Variants in SLC45A2 observed in about 807,000 individuals in gnomAD.
The protein encoded by SLC45A2 is solute carrier family 45 member 2, also known as membrane-associated transporter protein.
In SLC45A2, 36 loss-of-function variants were observed where a neutral mutation model predicts 45.5. That is an observed-to-expected ratio of 0.79 (90% CI 0.61 to 1.04). The LOEUF is 1.04. Among genes scored for constraint, SLC45A2 ranks in the 50% least tolerant of loss-of-function variants. SLC45A2 has a pLI of 0.00. For missense variants in SLC45A2, 719 were observed against 671.0 expected, an observed-to-expected ratio of 1.07 and a Z score of -0.79; for synonymous variants, 306 against 269.3, an observed-to-expected ratio of 1.14 and a Z score of -1.33.
At chr5:33,970,645 C>T (rs57816426) in intron 2 of SLC45A2, among the ~76,000 whole-genome samples, 2,692 of 152,260 alleles carry the variant, frequency 0.018, 81 homozygotes, top group African/African-American at 0.062. Flanking sequence ...GGGTTAGCCA[C>T]TTTACCTCTC....
At chr5:33,980,774 A>C (rs997584789) in intron 2 of SLC45A2, among the ~76,000 whole-genome samples, 1 of 152,236 alleles carries the variant, frequency 6.6e-6, no homozygotes, top group Non-Finnish European at 1.5e-5. Flanking sequence ...ATTGATAAGC[A>C]CTAGAAAGAA....
intron 2 of SLC45A2, among the ~76,000 whole-genome samples, chr5:33,981,540 G>C (rs1340900425): frequency 6.6e-6 from 1 of 152,146 alleles, no homozygotes; most frequent in East Asian, 1.9e-4. Flanking sequence ...TCAATGCCTA[G>C]TTCTAGCATA....
chr5:33,975,117 CACAACCTCT>C (rs1752889818), intron 2 of SLC45A2, among the ~76,000 whole-genome samples: 1 of 151,808 alleles, frequency 6.6e-6, no homozygotes, highest in Admixed American at 6.5e-5. Context: ...GAGCCATCCA[CACAACCTCT>C]GCTGCTTCCA....
At chr5:33,950,580 G>C (rs1752069398) in intron 5 of SLC45A2, among the ~76,000 whole-genome samples, 1 of 152,138 alleles carries the variant, frequency 6.6e-6, no homozygotes, top group Admixed American at 6.5e-5. Flanking sequence ...TAAAGGGAAG[G>C]GGAAGGGGCC....
chr5:33,976,202 G>A (rs1276572579), intron 2 of SLC45A2, among the ~76,000 whole-genome samples: 2 of 152,150 alleles, frequency 1.3e-5, no homozygotes, highest in African/African-American at 2.4e-5. Flanking sequence ...GGAAGGGGCC[G>A]AGAACACGGG....
rs1011440049 is a variant in SLC45A2 at position 33,982,331 on chromosome 5, G to A, written c.467C>T (p.Ala156Val). ...TTTGATGGGCCCATCAATGAAGTCG[G>A]CAGCAAAATCAAAGAGAACGACACC... is the stretch of plus-strand genomic sequence containing the variant. Reference protein sequence around the residue: ...MIGVVLFDFAADFIDGPIKAY... With the variant: ...MIGVVLFDFAVDFIDGPIKAY... The change falls in exon 2 of 7, where the codon GCC (alanine) becomes GTC (valine). Residue 156 changes from alanine (A) to valine (V), a missense_variant. Physicochemically the swap from Ala to Val is moderately conservative, Grantham distance 64. Transcript: ENST00000296589. 2 of 1,614,150 alleles carry A rather than the reference G, an allele frequency of 1.2e-6. No individual in the cohort carries two copies. Among genetic ancestry groups the A allele is most frequent in the Non-Finnish European group, 1.7e-6 (2 of 1,180,034 alleles).
chr5:33,963,951 G>T lies in SLC45A2; in HGVS notation c.628C>A (p.Leu210Met), dbSNP rs1367942326. Residue 210 changes from leucine (L) to methionine (M), a missense_variant, in exon 3 of 7, where the codon CTG becomes ATG. Coordinates refer to ENST00000296589, the MANE Select transcript of SLC45A2 (RefSeq NM_016180.5). The stretch of plus-strand genomic sequence containing the variant: ...ATGACCTGGAATTCTGTACCCAACA[G>T]TCTTCCCAGCTCCAGATGGGCCCAG... ...IDWAHLELGR[L>M]LGTEFQVMFF... 6.2e-7 allele frequency: 1 copy of T among 1,614,012 alleles called. No homozygotes were observed. Among genetic ancestry groups the T allele is most frequent in the African/African-American group, 1.3e-5 (1 of 74,920 alleles).
chr5:33,951,742 T>G, intron 4 of SLC45A2, 65 bp from the exon 5 acceptor site: 1 of 1,604,240 alleles, frequency 6.2e-7, no homozygotes, highest in Non-Finnish European at 8.5e-7. Flanking sequence ...TCTCATGCAC[T>G]CTGCTTCTCC....
chr5:33,982,365 T>G lies in SLC45A2; in HGVS notation c.433A>C (p.Thr145Pro), dbSNP rs1753104347. 1 of 1,614,056 alleles carries G rather than the reference T, an allele frequency of 6.2e-7. No homozygotes were observed. Among genetic ancestry groups the G allele is most frequent in the Non-Finnish European group, 8.5e-7 (1 of 1,180,028 alleles). Residue 145 changes from threonine to proline, a missense_variant, in exon 2 of 7, where the codon ACC becomes CCC. Coordinates refer to ENST00000296589, the MANE Select transcript of SLC45A2 (RefSeq NM_016180.5). ...TCAAAGAGAACGACACCTATCATGG[T>G]GACACTTATGGCCCAAACCAGCTTC... ...RRKLVWAISV[T>P]MIGVVLFDFA...
In SLC45A2 at chr5:33,944,823, C is replaced by T; in HGVS notation, c.1418G>A (p.Gly473Asp). The change falls in exon 7 of 7, where the codon GGC becomes GAC. Residue 473 changes from glycine to aspartate, a missense_variant. Coordinates refer to ENST00000296589, the MANE Select transcript of SLC45A2 (RefSeq NM_016180.5). The stretch of plus-strand genomic sequence containing the variant: ...GCATGTGAGGGTGGCGCAGTCCATG[C>T]CCTTCCCTCTCACGCTGTTGTCTGG... ...GDPDNSVRGK[G>D]MDCATLTCMV... 6.2e-7 allele frequency: 1 copy of T among 1,614,114 alleles called. No individual in the cohort carries two copies. The highest frequency in any genetic ancestry group is 8.5e-7 in the Non-Finnish European group (1 of 1,179,986).
chr5:33,944,684 A>G lies in SLC45A2; in HGVS notation c.1557T>C (p.Cys519=), dbSNP rs75973969. 6.2e-7 allele frequency: 1 copy of G among 1,614,230 alleles called. No individual in the cohort carries two copies. Among genetic ancestry groups the G allele is most frequent in the Non-Finnish European group, 8.5e-7 (1 of 1,180,032 alleles). Reference sequence around the variant, plus strand: ...ATCTAACAAAGAGAGCGACAAAGCAACAGCCTATCAGTGCCACCGCAGACG... The same window carrying G: ...ATCTAACAAAGAGAGCGACAAAGCAGCAGCCTATCAGTGCCACCGCAGACG... ...ITASAVALIG[C]CFVALFVRYV... Residue 519 remains cysteine (C), a synonymous_variant, in exon 7 of 7, where the codon TGT becomes TGC. Coordinates refer to ENST00000296589, the MANE Select transcript of SLC45A2 (RefSeq NM_016180.5).
At chr5:33,948,163 C>T (rs1751993868) in intron 5 of SLC45A2, among the ~76,000 whole-genome samples, 1 of 152,246 alleles carries the variant, frequency 6.6e-6, no homozygotes, top group African/African-American at 2.4e-5. Flanking sequence ...ATGTAGAAAA[C>T]ATCCAATTAA....
At chr5:33,956,656 G>A (rs575675890) in intron 3 of SLC45A2, among the ~76,000 whole-genome samples, 3 of 152,274 alleles carry the variant, frequency 2.0e-5, no homozygotes, top group Non-Finnish European at 4.4e-5. Flanking sequence ...GCAATGTTGT[G>A]ATAATTTTGA....
chr5:33,981,768 T>G (rs1753079145), intron 2 of SLC45A2, among the ~76,000 whole-genome samples: 1 of 152,226 alleles, frequency 6.6e-6, no homozygotes. Flanking sequence ...TCTCTTTTTG[T>G]TTTTTAAACC....
chr5:33,945,082 G>A (rs1751882530), intron 6 of SLC45A2, among the ~76,000 whole-genome samples: 2 of 152,208 alleles, frequency 1.3e-5, no homozygotes, highest in Non-Finnish European at 2.9e-5. Flanking sequence ...TATATTGATG[G>A]ACATTATTAG....
chr5:33,965,464 C>T (rs934862467), intron 2 of SLC45A2, among the ~76,000 whole-genome samples: 2 of 152,222 alleles, frequency 1.3e-5, no homozygotes, highest in East Asian at 3.9e-4. Context: ...GCATCATTAG[C>T]ATGTCCTGAA....
chr5:33,959,748 G>A (rs1051770708), intron 3 of SLC45A2, among the ~76,000 whole-genome samples: 20 of 152,124 alleles, frequency 1.3e-4, no homozygotes, highest in African/African-American at 2.2e-4. Context: ...ATGAGGCCTC[G>A]TTTCAGCAGA....
At chr5:33,959,038 T>C (rs1752365660) in intron 3 of SLC45A2, among the ~76,000 whole-genome samples, 1 of 152,214 alleles carries the variant, frequency 6.6e-6, no homozygotes, top group East Asian at 1.9e-4. Context: ...TTTTTAATTT[T>C]CACTTTCACA....
At chr5:33,963,645 G>A (rs184024609) in intron 3 of SLC45A2, 46 bp downstream of exon 3, 3 of 1,557,978 alleles carry the variant, frequency 1.9e-6, no homozygotes, top group Admixed American at 1.7e-5. Flanking sequence ...CAACAACAAA[G>A]AGCAAGAATA....
Sources: gnomAD v4.1 joint callset for allele counts (sites outside exome capture counted in the v4.1 genomes callset) on GRCh38, gnomAD v4.1.1 for gene constraint, MANE v1.5 for transcripts, NCBI Gene and HGNC (gene_info 2026-07-23, HGNC 2026-07-21) for gene names.